Variants in CNTNAP2 observed in about 807,000 individuals in gnomAD.
The protein encoded by CNTNAP2 is contactin associated protein 2, also known as contactin-associated protein-like 2.
In CNTNAP2, 98 loss-of-function variants were observed where a neutral mutation model predicts 155.2. The ratio of observed to expected loss-of-function variants is 0.63; its 90% CI spans 0.54 to 0.75. The LOEUF (loss-of-function observed/expected upper bound fraction) is 0.75, where lower values mean the gene tolerates loss of function less well. Among genes scored for constraint, CNTNAP2 ranks in the 30% least tolerant of loss-of-function variants. The pLI, the probability that CNTNAP2 is intolerant of heterozygous loss-of-function variation, is 0.00. For synonymous variants in CNTNAP2, 651 were observed against 631.2 expected, an observed-to-expected ratio of 1.03 and a Z score of -0.47; for missense variants, 1,727 against 1,688.1, an observed-to-expected ratio of 1.02 and a Z score of -0.40.
chr7:146,578,848 T>C (rs977905640), intron 1 of CNTNAP2, among the ~76,000 whole-genome samples: 1 of 152,108 alleles, frequency 6.6e-6, no homozygotes, highest in Non-Finnish European at 1.5e-5. Flanking sequence ...GTGAATTAAG[T>C]CAGATTTTTT....
At chr7:146,206,300 A>G (rs1798945640) in intron 1 of CNTNAP2, among the ~76,000 whole-genome samples, 1 of 151,884 alleles carries the variant, frequency 6.6e-6, no homozygotes, top group Admixed American at 6.6e-5. Context: ...GAAGAAAACA[A>G]CATACTATGT....
At chr7:146,372,011 G>A (rs759412905) in intron 1 of CNTNAP2, among the ~76,000 whole-genome samples, 18 of 151,450 alleles carry the variant, frequency 1.2e-4, no homozygotes, top group Non-Finnish European at 2.1e-4. Flanking sequence ...ATATGTTATC[G>A]TTTTAATTAG....
intron 1 of CNTNAP2, among the ~76,000 whole-genome samples, chr7:146,288,716 T>G (rs2129086175): frequency 6.6e-6 from 1 of 151,860 alleles, no homozygotes; most frequent in South Asian, 2.1e-4. Context: ...TACTGTATTT[T>G]ACAGAACTGT....
intron 12 of CNTNAP2, among the ~76,000 whole-genome samples, chr7:147,630,300 A>G (rs1383066333): frequency 6.7e-5 from 10 of 148,632 alleles, no homozygotes; most frequent in Non-Finnish European, 1.5e-4. Context: ...GACAAATAGC[A>G]AAATTGAAAC....
At chr7:147,766,554 T>A (rs1381742180) in intron 13 of CNTNAP2, among the ~76,000 whole-genome samples, 1 of 152,068 alleles carries the variant, frequency 6.6e-6, no homozygotes, top group Non-Finnish European at 1.5e-5. Context: ...AGATATTGAG[T>A]CTGATTCATT....
chr7:147,962,915 T>A (rs371252268), intron 14 of CNTNAP2, among the ~76,000 whole-genome samples: 13 of 152,284 alleles, frequency 8.5e-5, no homozygotes, highest in East Asian at 1.9e-4. Context: ...AAAATATGGA[T>A]GTCATAAATT....
intron 1 of CNTNAP2, among the ~76,000 whole-genome samples, chr7:146,118,496 A>G (rs1797518617): frequency 6.6e-6 from 1 of 152,082 alleles, no homozygotes. Context: ...GTCTGGTTGT[A>G]TAGAATTTCC....
intron 9 of CNTNAP2, among the ~76,000 whole-genome samples, chr7:147,307,926 G>C (rs1795060953): frequency 3.9e-5 from 6 of 152,146 alleles, no homozygotes; most frequent in Admixed American, 3.9e-4. Flanking sequence ...GAACAAATCA[G>C]GGGAAAAAGT....
intron 13 of CNTNAP2, among the ~76,000 whole-genome samples, chr7:147,729,485 T>C (rs766770699): frequency 6.7e-6 from 1 of 149,112 alleles, no homozygotes; most frequent in African/African-American, 2.4e-5. Flanking sequence ...ATGGCAAAGA[T>C]GAGGATAGGG....
chr7:146,850,794 AAAACT>A (rs889781320), intron 3 of CNTNAP2, among the ~76,000 whole-genome samples: 4 of 152,120 alleles, frequency 2.6e-5, no homozygotes, highest in Non-Finnish European at 5.9e-5. Flanking sequence ...AAAAATAAAA[AAAACT>A]AAACTAAACT....
chr7:146,335,555 C>G (rs185240849), intron 1 of CNTNAP2, among the ~76,000 whole-genome samples: 2 of 152,278 alleles, frequency 1.3e-5, no homozygotes, highest in East Asian at 3.9e-4. Flanking sequence ...TGTCTGAGAG[C>G]TACTGGAGAA....
intron 1 of CNTNAP2, among the ~76,000 whole-genome samples, chr7:146,427,919 T>C (rs772933611): frequency 6.6e-6 from 1 of 152,116 alleles, no homozygotes; most frequent in African/African-American, 2.4e-5. Flanking sequence ...CAGGCACTAG[T>C]GTGTGTTGTT....
At chr7:146,475,565 G>A (rs1284020825) in intron 1 of CNTNAP2, among the ~76,000 whole-genome samples, 1 of 152,290 alleles carries the variant, frequency 6.6e-6, no homozygotes, top group Non-Finnish European at 1.5e-5. Flanking sequence ...GTATAATGAT[G>A]AAATTGAAGT....
chr7:146,479,888 G>C (rs1164177076), intron 1 of CNTNAP2, among the ~76,000 whole-genome samples: 1 of 152,098 alleles, frequency 6.6e-6, no homozygotes, highest in African/African-American at 2.4e-5. Context: ...GTGTTCAAAC[G>C]ATTCTTCTGC....
chr7:147,246,409 A>C (rs1804070160), intron 8 of CNTNAP2, among the ~76,000 whole-genome samples: 1 of 152,146 alleles, frequency 6.6e-6, no homozygotes, highest in Non-Finnish European at 1.5e-5. Context: ...AGCATGCAAC[A>C]GAAATGTATT....
intron 1 of CNTNAP2, among the ~76,000 whole-genome samples, chr7:146,292,779 A>G (rs903434043): frequency 2.6e-5 from 4 of 152,230 alleles, no homozygotes; most frequent in Non-Finnish European, 4.4e-5. Flanking sequence ...AGGAACAGAA[A>G]GTCAAATACG....
At chr7:146,790,580 T>C (rs1461013925) in intron 2 of CNTNAP2, among the ~76,000 whole-genome samples, 1 of 151,150 alleles carries the variant, frequency 6.6e-6, no homozygotes, top group African/African-American at 2.5e-5. Flanking sequence ...TTTTTTTTTT[T>C]TTTTTGTAAG....
Position 147,802,539 on chromosome 7 carries a change from C to A in CNTNAP2, c.2099-101026C>A, listed in dbSNP as rs537272504. ...CTGCAATCCTGGCACCTCGGGAGGC[C>A]GAGGCTGGCGGATCACTCGCGGTTA... On this transcript the variant is annotated intron_variant, in intron 13 of 23. Coordinates refer to ENST00000361727, the MANE Select transcript of CNTNAP2 (RefSeq NM_014141.6). 3.0e-3 allele frequency among the ~76,000 whole-genome samples: 458 copies of A among 152,286 alleles called. 4 individuals carry two copies. The highest frequency in any genetic ancestry group is 4.5e-3 in the Non-Finnish European group (304 of 68,022).
intron 4 of CNTNAP2, among the ~76,000 whole-genome samples, chr7:147,090,478 A>G (rs1037308098): frequency 2.6e-5 from 4 of 152,118 alleles, no homozygotes; most frequent in Admixed American, 2.0e-4. Flanking sequence ...CACTTGCTCA[A>G]GGTCATACAT....
Sources: gnomAD v4.1 joint callset for allele counts (sites outside exome capture counted in the v4.1 genomes callset) on GRCh38, gnomAD v4.1.1 for gene constraint, MANE v1.5 for transcripts, NCBI Gene and HGNC (gene_info 2026-07-23, HGNC 2026-07-21) for gene names.